The following TRIM24 variants were observed in gnomAD, a reference collection of about 807,000 sequenced individuals.
TRIM24 encodes tripartite motif containing 24, also known as transcription intermediary factor 1-alpha.
A neutral mutation model predicts 123.9 loss-of-function variants in TRIM24; 29 were observed. The observed-to-expected ratio is 0.23, with a 90% CI of 0.17 to 0.32. TRIM24 has a LOEUF of 0.32. Ranked by LOEUF, TRIM24 falls within the 10% of genes least tolerant of loss-of-function variation. TRIM24 has a pLI of 1.00. For missense variants in TRIM24, 932 were observed against 1,295.3 expected (o/e 0.72, Z 4.31); for synonymous variants, 456 against 461.1 (o/e 0.99, Z 0.14).
intron 9 of TRIM24, among the ~76,000 whole-genome samples, chr7:138,563,376 C>T (rs1198845259): frequency 6.6e-6 from 1 of 152,198 alleles, no homozygotes; most frequent in Admixed American, 6.5e-5. Flanking sequence ...TGGTGCTTAT[C>T]TAACCTCAGC....
chr7:138,489,328 G>A (rs974472540), intron 1 of TRIM24, among the ~76,000 whole-genome samples: 4 of 152,052 alleles, frequency 2.6e-5, no homozygotes, highest in Admixed American at 2.6e-4. Flanking sequence ...CTTTTAATTG[G>A]GGCATTTAGC....
chr7:138,526,055 A>G (rs1796600969), intron 5 of TRIM24, among the ~76,000 whole-genome samples: 1 of 152,110 alleles, frequency 6.6e-6, no homozygotes, highest in African/African-American at 2.4e-5. Flanking sequence ...AAATCCCATG[A>G]CCTCTTCTGT....
At chr7:138,495,863 C>T (rs533882382) in intron 1 of TRIM24, among the ~76,000 whole-genome samples, 1 of 152,276 alleles carries the variant, frequency 6.6e-6, no homozygotes, top group East Asian at 1.9e-4. Flanking sequence ...ATTTTATTTT[C>T]TCTCAGTCCA....
chr7:138,471,147 C>T (rs946423239), intron 1 of TRIM24, among the ~76,000 whole-genome samples: 4 of 152,174 alleles, frequency 2.6e-5, no homozygotes, highest in African/African-American at 9.7e-5. Context: ...ATGGACCATG[C>T]ATTAAGTGTA....
At chr7:138,564,627 T>G (rs951205475) in intron 9 of TRIM24, among the ~76,000 whole-genome samples, 41 of 152,200 alleles carry the variant, frequency 2.7e-4, no homozygotes, top group African/African-American at 9.2e-4. Flanking sequence ...TGAACTACAT[T>G]TAGCCATGAG....
At chr7:138,545,850 G>A (rs1287931969) in intron 7 of TRIM24, among the ~76,000 whole-genome samples, 1 of 152,042 alleles carries the variant, frequency 6.6e-6, no homozygotes, top group Admixed American at 6.6e-5. Flanking sequence ...CAAATTTGAG[G>A]ATCAAAATAA....
intron 7 of TRIM24, among the ~76,000 whole-genome samples, chr7:138,548,145 G>A (rs938880199): frequency 3.3e-5 from 5 of 152,270 alleles, no homozygotes; most frequent in African/African-American, 9.6e-5. Context: ...GATGCATTCT[G>A]AGAAATGGTA....
chr7:138,560,587 G>A (rs1027490093), intron 9 of TRIM24, among the ~76,000 whole-genome samples: 2 of 152,176 alleles, frequency 1.3e-5, no homozygotes, highest in African/African-American at 4.8e-5. Context: ...GTTTGCAAAC[G>A]GCTCGGGTGA....
chr7:138,497,800 C>T (rs1413813464), intron 1 of TRIM24, among the ~76,000 whole-genome samples: 1 of 151,774 alleles, frequency 6.6e-6, no homozygotes, highest in Non-Finnish European at 1.5e-5. Context: ...AAGCCATCCT[C>T]CCACCTCAGC....
intron 1 of TRIM24, among the ~76,000 whole-genome samples, chr7:138,472,070 G>C (rs758413820): frequency 4.6e-5 from 7 of 152,076 alleles, no homozygotes; most frequent in African/African-American, 7.2e-5. Flanking sequence ...GATAGATAGT[G>C]AAAGCCAGAT....
intron 7 of TRIM24, 52 bp from the exon 8 acceptor site, chr7:138,551,011 C>A (rs953848246): frequency 7.0e-7 from 1 of 1,435,886 alleles, no homozygotes; most frequent in Non-Finnish European, 9.8e-7. Flanking sequence ...ATTTACTGGG[C>A]GCTTAATAAA....
intron 9 of TRIM24, 140 bp from the exon 10 acceptor site, chr7:138,567,341 C>T: frequency 1.3e-6 from 1 of 764,180 alleles, no homozygotes; most frequent in South Asian, 2.9e-5. Context: ...CCCCACCCCT[C>T]ATTCCCTTAT....
intron 9 of TRIM24, among the ~76,000 whole-genome samples, chr7:138,561,376 A>AG (rs1056309423): frequency 1.3e-5 from 2 of 152,200 alleles, no homozygotes; most frequent in Non-Finnish European, 2.9e-5. Flanking sequence ...ACGGCAATGA[A>AG]GGGGGCCTCC....
At chr7:138,479,517 A>C (rs1795479223) in intron 1 of TRIM24, among the ~76,000 whole-genome samples, 1 of 151,964 alleles carries the variant, frequency 6.6e-6, no homozygotes, top group South Asian at 2.1e-4. Flanking sequence ...GGCGTGTGTC[A>C]CCATGCCTGA....
chr7:138,541,119 A>G (rs1247683142), intron 7 of TRIM24, among the ~76,000 whole-genome samples: 6 of 152,104 alleles, frequency 3.9e-5, no homozygotes, highest in Admixed American at 3.9e-4. Flanking sequence ...GGATTACAGC[A>G]TGAACCACTG....
chr7:138,508,692 T>TGTGCGCGCGCAC (rs1422176564), intron 2 of TRIM24, among the ~76,000 whole-genome samples: 10 of 137,214 alleles, frequency 7.3e-5, no homozygotes, highest in Admixed American at 1.4e-4. Context: ...TGTGTGTGTG[T>TGTGCGCGCGCAC]GCGCGCGCGT....
chr7:138,514,059 A>C (rs1450159033), intron 2 of TRIM24, among the ~76,000 whole-genome samples: 2 of 152,256 alleles, frequency 1.3e-5, no homozygotes, highest in African/African-American at 2.4e-5. Flanking sequence ...TCTAGGAAGC[A>C]GAAGTCACTG....
At chr7:138,580,860 TTTAAA>T (rs1383970522) in intron 16 of TRIM24, among the ~76,000 whole-genome samples, 166 bp downstream of exon 16, 2 of 152,164 alleles carry the variant, frequency 1.3e-5, no homozygotes, top group Non-Finnish European at 2.9e-5. Context: ...TGTAACTTTC[TTTAAA>T]TTAAAAAAAT....
In TRIM24 at chr7:138,586,043, A is replaced by C; in HGVS notation, c.*1092A>C. On this transcript the variant is annotated 3_prime_UTR_variant, in exon 19 of 19. Coordinates refer to ENST00000343526, the MANE Select transcript of TRIM24 (RefSeq NM_015905.3). ...GCATCTATCTCATGTTTTTCTTTTG[A>C]GAGTCAGAACATCAAACTTAATCTT... 4.6e-6 allele frequency: 2 copies of C among 432,486 alleles called. No individual in the cohort carries two copies. Among genetic ancestry groups the C allele is most frequent in the African/African-American group, 2.1e-5 (1 of 48,618 alleles). 26.8% of individuals were successfully genotyped at this position (432,486 alleles called of 1,614,324 possible).
Sources: allele counts gnomAD v4.1 joint callset (sites outside exome capture counted in the v4.1 genomes callset), GRCh38; gene constraint gnomAD v4.1.1; transcripts MANE v1.5; gene names NCBI Gene and HGNC (gene_info 2026-07-23, HGNC 2026-07-21).